The following ADAMTS16 variants were observed in gnomAD, a reference collection of about 807,000 sequenced individuals.
The protein encoded by ADAMTS16 is A disintegrin and metalloproteinase with thrombospondin motifs 16.
In ADAMTS16, 94 loss-of-function variants were observed where a neutral mutation model predicts 145.8. The ratio of observed to expected loss-of-function variants is 0.64; its 90% CI spans 0.55 to 0.77. The LOEUF is 0.77. ADAMTS16 is among the 30% of genes least tolerant of loss of function. The pLI, the probability that ADAMTS16 is intolerant of heterozygous loss-of-function variation, is 0.00. For synonymous variants in ADAMTS16, 659 were observed against 604.3 expected (o/e 1.09, Z -1.33); for missense variants, 1,585 against 1,591.5 (o/e 1.00, Z 0.07).
At chr5:5,155,958 G>C (rs1258588513) in intron 3 of ADAMTS16, among the ~76,000 whole-genome samples, 1 of 152,108 alleles carries the variant, frequency 6.6e-6, no homozygotes, top group African/African-American at 2.4e-5. Flanking sequence ...GAGGCAGATA[G>C]GAAGTCCACT....
intron 18 of ADAMTS16, among the ~76,000 whole-genome samples, chr5:5,301,081 C>T (rs1463666856): frequency 6.6e-6 from 1 of 152,048 alleles, no homozygotes; most frequent in Non-Finnish European, 1.5e-5. Flanking sequence ...GTATTGTATT[C>T]TATTTTTTGA....
intron 11 of ADAMTS16, among the ~76,000 whole-genome samples, chr5:5,224,470 A>G (rs909330500): frequency 7.9e-5 from 12 of 152,014 alleles, no homozygotes; most frequent in Non-Finnish European, 1.5e-4. Flanking sequence ...TTGTATTTTT[A>G]GTAGAGACGG....
intron 12 of ADAMTS16, among the ~76,000 whole-genome samples, chr5:5,233,457 C>T (rs1029216231): frequency 6.6e-6 from 1 of 152,100 alleles, no homozygotes; most frequent in Admixed American, 6.5e-5. Flanking sequence ...ACCTAGTATT[C>T]ATTAGTTATT....
At chr5:5,231,917 C>A (rs996878477) in intron 11 of ADAMTS16, among the ~76,000 whole-genome samples, 5 of 152,188 alleles carry the variant, frequency 3.3e-5, no homozygotes, top group Admixed American at 2.6e-4. Flanking sequence ...GACTATGGGC[C>A]TGAAATGACA....
At chr5:5,146,576 G>A in intron 3 of ADAMTS16, 121 bp downstream of exon 3, 1 of 1,101,714 alleles carries the variant, frequency 9.1e-7, no homozygotes, top group East Asian at 2.4e-5. Context: ...CGCAGATTAA[G>A]CAGGAGGAAT....
At chr5:5,159,573 A>G (rs1308353826) in intron 3 of ADAMTS16, among the ~76,000 whole-genome samples, 1 of 152,232 alleles carries the variant, frequency 6.6e-6, no homozygotes, top group Non-Finnish European at 1.5e-5. Flanking sequence ...ACATTTTGTA[A>G]TGCAAGCCAG....
chr5:5,200,820 T>C (rs1401584142), intron 9 of ADAMTS16, among the ~76,000 whole-genome samples: 1 of 152,178 alleles, frequency 6.6e-6, no homozygotes, highest in African/African-American at 2.4e-5. Flanking sequence ...TCTGTAATCT[T>C]CAATAATATT....
intron 3 of ADAMTS16, among the ~76,000 whole-genome samples, chr5:5,170,514 G>T (rs1735016272): frequency 6.6e-6 from 1 of 152,058 alleles, no homozygotes; most frequent in African/African-American, 2.4e-5. Context: ...GAGTAGCTGG[G>T]ATTACAGGCA....
chr5:5,305,255 A>G (rs1740052049), intron 20 of ADAMTS16, among the ~76,000 whole-genome samples: 1 of 64,122 alleles, frequency 1.6e-5, no homozygotes, highest in East Asian at 5.6e-4. Flanking sequence ...ATCCCACACC[A>G]CACACACAAT....
rs146807957 is a variant in ADAMTS16, at chr5:5,216,189, C to T, written c.1606-6600C>T. On this transcript the variant is annotated intron_variant, in intron 10 of 22. Transcript: ENST00000274181. ...TAGAAGCGTTCCCTGTTTACCACAT[C>T]CACACACAAACATCTACTGTTTTTT... Among the ~76,000 whole-genome samples the T allele has an allele frequency of 3.8e-3, 575 of 152,082 alleles. 1 individual carries two copies. The highest frequency in any genetic ancestry group is 5.8e-3 in the Non-Finnish European group (391 of 67,984).
At chr5:5,159,017 G>A (rs1045263485) in intron 3 of ADAMTS16, among the ~76,000 whole-genome samples, 8 of 152,204 alleles carry the variant, frequency 5.3e-5, no homozygotes, top group African/African-American at 1.7e-4. Flanking sequence ...GGCGCTTCTC[G>A]TAAAATCAGA....
intron 3 of ADAMTS16, among the ~76,000 whole-genome samples, chr5:5,173,496 C>T (rs186542100): frequency 2.5e-4 from 37 of 150,750 alleles, no homozygotes; most frequent in South Asian, 6.3e-4. Context: ...ATTTTTGAGA[C>T]GGAGTCTCAC....
chr5:5,317,749 G>A lies in ADAMTS16; in HGVS notation c.3412-385G>A, dbSNP rs751059300. Among the ~76,000 whole-genome samples the A allele has an allele frequency of 1.1e-4, 17 of 152,218 alleles. No homozygotes were observed. The highest frequency in any genetic ancestry group is 4.1e-4 in the South Asian group (2 of 4,822). Reference sequence around the variant, plus strand: ...CTCAGCCCCCACAAAGCCCAAGCCCGGGAACCGTCTGTTGAGACTATAGAA... The same window carrying A: ...CTCAGCCCCCACAAAGCCCAAGCCCAGGAACCGTCTGTTGAGACTATAGAA... On this transcript the variant is annotated intron_variant, in intron 21 of 22. Transcript: ENST00000274181. This position sits in a 1 kb window ranked among gnomAD's most constrained non-coding sequence, Gnocchi z 4.5.
chr5:5,296,451 A>C (rs1436656080), intron 18 of ADAMTS16, among the ~76,000 whole-genome samples: 2 of 152,220 alleles, frequency 1.3e-5, no homozygotes, highest in Non-Finnish European at 2.9e-5. Flanking sequence ...AAATAAAATT[A>C]GTACAACTTT....
intron 3 of ADAMTS16, among the ~76,000 whole-genome samples, chr5:5,156,737 G>A (rs2126520319): frequency 6.6e-6 from 1 of 152,264 alleles, no homozygotes. Context: ...TAGCACTCAG[G>A]GGCTTGTGTG....
intron 3 of ADAMTS16, among the ~76,000 whole-genome samples, chr5:5,165,995 A>G (rs1248557524): frequency 6.6e-6 from 1 of 152,172 alleles, no homozygotes; most frequent in Non-Finnish European, 1.5e-5. Flanking sequence ...GTCATTTTCA[A>G]CAGCACAGAG....
intron 18 of ADAMTS16, among the ~76,000 whole-genome samples, chr5:5,285,866 A>ACTTCTT (rs560543461): frequency 1.3e-5 from 2 of 152,136 alleles, no homozygotes; most frequent in African/African-American, 4.8e-5. Flanking sequence ...AGATGCCTTC[A>ACTTCTT]CTTCTTCTTC....
intron 17 of ADAMTS16, among the ~76,000 whole-genome samples, chr5:5,261,489 C>CTT (rs10719029): frequency 9.5e-5 from 10 of 105,510 alleles, no homozygotes; most frequent in African/African-American, 2.5e-4. Flanking sequence ...GTTATAGCCT[C>CTT]TTTTTTTTTT....
At chr5:5,305,078 CACAT>C (rs1740013123) in intron 20 of ADAMTS16, among the ~76,000 whole-genome samples, 1 of 78,258 alleles carries the variant, frequency 1.3e-5, no homozygotes, top group African/African-American at 4.9e-5. Flanking sequence ...CACACACACA[CACAT>C]CCCACACCAC....
Sources: allele counts gnomAD v4.1 joint callset (sites outside exome capture counted in the v4.1 genomes callset), GRCh38; gene constraint gnomAD v4.1.1; non-coding constraint Gnocchi (gnomAD v3.1); transcripts MANE v1.5; gene names NCBI Gene and HGNC (gene_info 2026-07-23, HGNC 2026-07-21).